JAM2: variants seen among roughly 807,000 people sequenced by gnomAD.
JAM2 encodes junctional adhesion molecule 2.
A neutral mutation model predicts 42.0 loss-of-function variants in JAM2; 17 were observed. The observed-to-expected ratio is 0.40, with a 90% CI of 0.28 to 0.61. JAM2 has a LOEUF of 0.61. Ranked by LOEUF, JAM2 falls within the 20% of genes least tolerant of loss-of-function variation. JAM2 has a pLI of 0.37. For missense variants in JAM2, 319 were observed against 358.3 expected (o/e 0.89, Z 0.89); for synonymous variants, 118 against 128.6 (o/e 0.92, Z 0.56).
rs1419372473 is a variant in JAM2 at position 25,659,660 on chromosome 21, T to C, written c.67+19772T>C. On this transcript the variant is annotated intron_variant, in intron 1 of 9. Transcript: ENST00000480456. ...TTTGAAGGTGGAAAAAACTGGGTTA[T>C]GATTTCATAATATGTTTGCCTTTTC... 2.0e-5 allele frequency among the ~76,000 whole-genome samples: 3 copies of C among 152,222 alleles called. No homozygotes were observed. In the East Asian group the frequency reaches 5.8e-4, roughly 29 times the overall value.
At chr21:25,706,199 G>T (rs1172289217) in intron 7 of JAM2, 113 bp downstream of exon 7, 2 of 731,746 alleles carry the variant, frequency 2.7e-6, no homozygotes, top group East Asian at 5.6e-5. Context: ...TTGTTTTTCA[G>T]ACAGAGTCTT....
chr21:25,653,787 T>A (rs9974110), intron 1 of JAM2, among the ~76,000 whole-genome samples: 14,837 of 152,208 alleles, frequency 0.097, 1,026 homozygotes, highest in East Asian at 0.37. Flanking sequence ...CCATATCACT[T>A]AGAAAGCAAG....
At position 25,702,189 on chromosome 21, in the gene JAM2, A is replaced by G; in HGVS notation, c.617A>G (p.Lys206Arg). The G allele has an allele frequency of 6.3e-7, 1 of 1,581,256 alleles. No homozygotes were observed. ...TGTLQFNTVSKLDTGEYSCEA... is the reference protein window; with the variant it reads ...TGTLQFNTVSRLDTGEYSCEA... ...AAATAGCAATTTAATACTGTTTCCA[A>G]ACTGGACACTGGAGAATATTCCTGT... is the stretch of plus-strand genomic sequence containing the variant. Residue 206 changes from lysine to arginine, a missense_variant, in exon 6 of 10, where the codon AAA (lysine) becomes AGA (arginine). Lys to Arg is a conservative substitution (Grantham distance 26). Transcript: ENST00000480456.
intron 4 of JAM2, 117 bp downstream of exon 4, chr21:25,694,025 T>C (rs2033942106): frequency 2.1e-6 from 2 of 964,364 alleles, no homozygotes; most frequent in Non-Finnish European, 3.1e-6. Context: ...CCTCAACCAG[T>C]CAAGTTACAG....
At chr21:25,660,356 A>G (rs997119426) in intron 1 of JAM2, among the ~76,000 whole-genome samples, 3 of 152,228 alleles carry the variant, frequency 2.0e-5, no homozygotes, top group Non-Finnish European at 4.4e-5. Context: ...GTTTATAAAA[A>G]AAGCATTCAA....
At chr21:25,661,378 C>T (rs2033084488) in intron 1 of JAM2, among the ~76,000 whole-genome samples, 1 of 151,946 alleles carries the variant, frequency 6.6e-6, no homozygotes, top group Non-Finnish European at 1.5e-5. Flanking sequence ...CAGGAGGATC[C>T]CTTGAGCCCA....
intron 4 of JAM2, 100 bp downstream of exon 4, chr21:25,694,008 C>A: frequency 2.6e-6 from 3 of 1,150,944 alleles, no homozygotes; most frequent in Admixed American, 2.3e-5. Flanking sequence ...CCAGCATCAA[C>A]TGGGAGCCTC....
intron 8 of JAM2, 157 bp downstream of exon 8, chr21:25,709,606 G>T: frequency 2.1e-6 from 1 of 470,674 alleles, no homozygotes. Flanking sequence ...TCTGTATTAG[G>T]CTGTTCTTGC....
chr21:25,646,808 A>G (rs1246785130), intron 1 of JAM2, among the ~76,000 whole-genome samples: 2 of 152,242 alleles, frequency 1.3e-5, no homozygotes, highest in Non-Finnish European at 2.9e-5. Context: ...TGGCTCAGAA[A>G]GTCCTAAGGA....
Position 25,683,933 on chromosome 21 carries a change from G to A in JAM2, c.118G>A (p.Ala40Thr), listed in dbSNP as rs1328798633. The change falls in exon 2 of 10, where the codon GCA (alanine) becomes ACA (threonine). Residue 40 changes from alanine (A) to threonine (T), a missense_variant. Ala to Thr is a moderately conservative substitution (Grantham distance 58). Transcript: ENST00000480456. ...SAPKDQQVVT[A>T]VEYQEAILAC... ...CCCAAAAGACCAACAAGTAGTCACA[G>A]CAGTAGAGTACCAAGGTACAGTATC... 2 of 1,606,388 alleles carry A rather than the reference G, an allele frequency of 1.2e-6. No individual in the cohort carries two copies.
intron 1 of JAM2, among the ~76,000 whole-genome samples, chr21:25,647,461 G>A (rs1265331852): frequency 6.6e-6 from 1 of 152,174 alleles, no homozygotes; most frequent in African/African-American, 2.4e-5. Context: ...TATATATAGT[G>A]TTGTGCACCT....
At chr21:25,687,756 C>G (rs2033782298) in intron 2 of JAM2, among the ~76,000 whole-genome samples, 1 of 152,092 alleles carries the variant, frequency 6.6e-6, no homozygotes, top group Non-Finnish European at 1.5e-5. Context: ...CTCAAAGAAC[C>G]ATATAATGAA....
rs148440301 is a variant in JAM2, at chr21:25,660,247, G to A, written c.67+20359G>A. ...TCTTATAGTTTTATTGTGAGAACAA[G>A]TATGGTCAATGGAAAATAATGTAGA... On this transcript the variant is annotated intron_variant, in intron 1 of 9. Transcript: ENST00000480456. Among the ~76,000 whole-genome samples the A allele has an allele frequency of 4.1e-3, 629 of 152,196 alleles. 7 individuals are homozygous for A. The highest frequency in any genetic ancestry group is 0.013 in the East Asian group (69 of 5,180).
chr21:25,678,690 C>G (rs573829768), intron 1 of JAM2, among the ~76,000 whole-genome samples: 5 of 152,162 alleles, frequency 3.3e-5, no homozygotes, highest in Admixed American at 2.6e-4. Flanking sequence ...ATAGACACCA[C>G]GTTTGCCAGT....
At chr21:25,644,485 AC>A (rs1164328560) in intron 1 of JAM2, among the ~76,000 whole-genome samples, 3 of 152,080 alleles carry the variant, frequency 2.0e-5, no homozygotes, top group Admixed American at 6.5e-5. Context: ...CGGCCCTGCG[AC>A]ACCAGGCTGC....
chr21:25,706,712 A>G (rs1471348812), intron 7 of JAM2, among the ~76,000 whole-genome samples: 1 of 152,258 alleles, frequency 6.6e-6, no homozygotes, highest in Non-Finnish European at 1.5e-5. Flanking sequence ...ACGGATATTT[A>G]TAGTATCTTT....
At chr21:25,651,806 T>C (rs1287429643) in intron 1 of JAM2, among the ~76,000 whole-genome samples, 3 of 152,230 alleles carry the variant, frequency 2.0e-5, no homozygotes, top group Non-Finnish European at 4.4e-5. Context: ...AAAGGAATGA[T>C]GGTGATCTCT....
intron 1 of JAM2, among the ~76,000 whole-genome samples, chr21:25,640,204 G>A (rs1361735676): frequency 1.3e-5 from 2 of 152,252 alleles, no homozygotes; most frequent in East Asian, 3.9e-4. Flanking sequence ...ACAGAGGGAC[G>A]TGATTCGAAT....
chr21:25,658,296 T>C (rs1240021294), intron 1 of JAM2, among the ~76,000 whole-genome samples: 1 of 152,120 alleles, frequency 6.6e-6, no homozygotes, highest in African/African-American at 2.4e-5. Context: ...AGAGAAATCA[T>C]GGTATTTAAT....
Sources: allele counts gnomAD v4.1 joint callset (sites outside exome capture counted in the v4.1 genomes callset), GRCh38; gene constraint gnomAD v4.1.1; transcripts MANE v1.5; gene names NCBI Gene and HGNC (gene_info 2026-07-23, HGNC 2026-07-21).